The following PDCD10 variants were observed in gnomAD, a reference collection of about 807,000 sequenced individuals.
PDCD10 encodes programmed cell death protein 10.
A neutral mutation model predicts 29.2 loss-of-function variants in PDCD10; 4 were observed. The ratio of observed to expected loss-of-function variants is 0.14; its 90% CI spans 0.07 to 0.31. The LOEUF is 0.31. Ranked by LOEUF, PDCD10 falls within the 10% of genes least tolerant of loss-of-function variation. The pLI is 1.00. For missense variants in PDCD10, 183 were observed against 257.9 expected (o/e 0.71, Z 1.99); for synonymous variants, 70 against 82.2 (o/e 0.85, Z 0.80).
At chr3:167,690,202 T>C (rs1720075125) in intron 6 of PDCD10, among the ~76,000 whole-genome samples, 4 of 152,182 alleles carry the variant, frequency 2.6e-5, no homozygotes, top group South Asian at 4.1e-4. Context: ...TTGCGAAACA[T>C]TACACTGAAA....
At chr3:167,716,644 T>A (rs1337776443) in intron 3 of PDCD10, among the ~76,000 whole-genome samples, 1 of 151,936 alleles carries the variant, frequency 6.6e-6, no homozygotes, top group Non-Finnish European at 1.5e-5. Context: ...ATTCCAGGTT[T>A]CATTTGCTAA....
At chr3:167,723,392 A>G (rs2108492444) in intron 2 of PDCD10, among the ~76,000 whole-genome samples, 1 of 152,268 alleles carries the variant, frequency 6.6e-6, no homozygotes, top group South Asian at 2.1e-4. Flanking sequence ...GCTGGGTAGC[A>G]CATTAACAAA....
At chr3:167,687,742 T>A in intron 6 of PDCD10, 49 bp from the exon 7 acceptor site, 1 of 1,005,504 alleles carries the variant, frequency 9.9e-7, no homozygotes. Flanking sequence ...AAGAAATTTG[T>A]GAGAGAAAAG....
At chr3:167,703,906 A>G (rs575232704) in intron 4 of PDCD10, among the ~76,000 whole-genome samples, 1 of 152,322 alleles carries the variant, frequency 6.6e-6, no homozygotes, top group Admixed American at 6.5e-5. Context: ...ATTTATTACT[A>G]AGCTAGTTTA....
At chr3:167,716,384 T>C (rs1723016188) in intron 3 of PDCD10, among the ~76,000 whole-genome samples, 1 of 151,902 alleles carries the variant, frequency 6.6e-6, no homozygotes, top group Non-Finnish European at 1.5e-5. Flanking sequence ...CACTAAATTA[T>C]ACATTTTAAA....
intron 1 of PDCD10, 38 bp downstream of exon 1, chr3:167,734,624 C>G (rs186258789): frequency 6.6e-6 from 1 of 152,510 alleles, no homozygotes; most frequent in Non-Finnish European, 1.5e-5. Context: ...CATTTACAAA[C>G]CCGCTTTACG....
intron 3 of PDCD10, among the ~76,000 whole-genome samples, chr3:167,717,301 C>T (rs1401929869): frequency 1.3e-5 from 2 of 151,990 alleles, no homozygotes; most frequent in Non-Finnish European, 2.9e-5. Context: ...GATTACTAGA[C>T]TACCATTGTA....
At chr3:167,708,299 G>T (rs1722192924) in intron 3 of PDCD10, among the ~76,000 whole-genome samples, 2 of 149,738 alleles carry the variant, frequency 1.3e-5, no homozygotes, top group Admixed American at 1.3e-4. Flanking sequence ...TAGCCCTTTG[G>T]TTACTCAAGT....
chr3:167,710,534 T>C (rs1235664549), intron 3 of PDCD10, among the ~76,000 whole-genome samples: 1 of 152,132 alleles, frequency 6.6e-6, no homozygotes, highest in Non-Finnish European at 1.5e-5. Context: ...TTAGCCACAG[T>C]AGGAAAGAAC....
At position 167,684,155 on chromosome 3, in the gene PDCD10, AAT is replaced by A; in HGVS notation, c.*151_*152del. The A allele has an allele frequency of 1.7e-6, 1 of 595,312 alleles. No individual in the cohort carries two copies. The allele number at this position is 595,312 out of a possible 1,614,324, so 36.9% of individuals were successfully genotyped here. On this transcript the variant is annotated 3_prime_UTR_variant, in exon 9 of 9. Transcript: ENST00000392750. Reference sequence around the variant, plus strand: ...TTATGATTAAGCTACATTTTACAAAAATATGGTGTAAGATGGCAATAATCCCA... The same window carrying A: ...TTATGATTAAGCTACATTTTACAAAAATGGTGTAAGATGGCAATAATCCCA...
At chr3:167,694,362 T>G in intron 6 of PDCD10, 1 of 194,226 alleles carries the variant, frequency 5.1e-6, no homozygotes, top group Non-Finnish European at 1.1e-5. Context: ...AGACTGGGCT[T>G]CTTTCTCTCC....
intron 3 of PDCD10, among the ~76,000 whole-genome samples, chr3:167,716,693 G>T (rs528998372): frequency 6.6e-6 from 1 of 151,740 alleles, no homozygotes; most frequent in Admixed American, 6.6e-5. Flanking sequence ...CTAATAATTC[G>T]CAGAAATAGC....
chr3:167,709,638 A>AGG (rs1722332798), intron 3 of PDCD10, among the ~76,000 whole-genome samples: 1 of 152,178 alleles, frequency 6.6e-6, no homozygotes, highest in Non-Finnish European at 1.5e-5. Context: ...AGTCTCAGAT[A>AGG]AACTTGAAAG....
chr3:167,691,481 T>C (rs1720224261), intron 6 of PDCD10, among the ~76,000 whole-genome samples: 1 of 152,192 alleles, frequency 6.6e-6, no homozygotes, highest in Non-Finnish European at 1.5e-5. Flanking sequence ...GACAAGACTC[T>C]TAAGCTCAAT....
rs1719306284 is a variant in PDCD10 at position 167,683,937 on chromosome 3, T to C, written c.*371A>G. 1 of 198,990 alleles carries C rather than the reference T, an allele frequency of 5.0e-6. No individual in the cohort carries two copies. The highest frequency in any genetic ancestry group is 1.1e-5 in the Non-Finnish European group (1 of 95,026). 12.3% of individuals were successfully genotyped at this position (198,990 alleles called of 1,614,324 possible). On this transcript the variant is annotated 3_prime_UTR_variant, in exon 9 of 9. Coordinates refer to ENST00000392750, the MANE Select transcript of PDCD10 (RefSeq NM_007217.4). ...AGATGTAAACTATTTATTGAATATT[T>C]GCCACCAAATATTGTTAAATACATT...
At chr3:167,700,507 G>A (rs1244186068) in intron 4 of PDCD10, among the ~76,000 whole-genome samples, 1 of 151,770 alleles carries the variant, frequency 6.6e-6, no homozygotes, top group Non-Finnish European at 1.5e-5. Flanking sequence ...GGAAATTCAT[G>A]AAACAAAGCC....
chr3:167,692,952 A>C (rs1268799939), intron 6 of PDCD10, among the ~76,000 whole-genome samples: 7 of 152,076 alleles, frequency 4.6e-5, no homozygotes, highest in Non-Finnish European at 8.8e-5. Flanking sequence ...AAACAAAAAA[A>C]CCCTTAGTGT....
chr3:167,729,526 G>C (rs1724569201), intron 2 of PDCD10, among the ~76,000 whole-genome samples: 1 of 152,092 alleles, frequency 6.6e-6, no homozygotes, highest in Non-Finnish European at 1.5e-5. Context: ...GCAACCGTAG[G>C]CAAGTTCCTT....
At chr3:167,713,862 A>G (rs1722758969) in intron 3 of PDCD10, among the ~76,000 whole-genome samples, 1 of 152,008 alleles carries the variant, frequency 6.6e-6, no homozygotes, top group African/African-American at 2.4e-5. Flanking sequence ...GAAGAAATCC[A>G]TAACCTGAAC....
Sources: gnomAD v4.1 joint callset for allele counts (sites outside exome capture counted in the v4.1 genomes callset) on GRCh38, gnomAD v4.1.1 for gene constraint, MANE v1.5 for transcripts, NCBI Gene and HGNC (gene_info 2026-07-23, HGNC 2026-07-21) for gene names.